F5: variants seen among roughly 807,000 people sequenced by gnomAD.
F5 encodes coagulation factor V, also known as activated protein c cofactor.
F5 carries 138 observed loss-of-function variants against 216.4 expected under a neutral mutation model. That is an observed-to-expected ratio of 0.64 (90% CI 0.56 to 0.73). F5 has a LOEUF of 0.73. Ranked by LOEUF, F5 falls within the 30% of genes least tolerant of loss-of-function variation. F5 has a pLI of 0.00. For missense variants in F5, 2,403 were observed against 2,674.0 expected, an observed-to-expected ratio of 0.90 and a Z score of 2.24; for synonymous variants, 916 against 930.7, an observed-to-expected ratio of 0.98 and a Z score of 0.29.
At position 169,544,493 on chromosome 1, in the gene F5, A is replaced by T; in HGVS notation, c.1778T>A (p.Val593Glu). The part of the protein sequence containing the change: ...SNIMSTINGY[V>E]PESITTLGFC... Reference sequence around the variant, plus strand: ...TCCAAGAGTAGTTATGCTCTCAGGCACATAGCCATTGATAGCTGAAAGTGT... The same window carrying T: ...TCCAAGAGTAGTTATGCTCTCAGGCTCATAGCCATTGATAGCTGAAAGTGT... Residue 593 changes from valine to glutamate, a missense_variant, in exon 12 of 25, where the codon GTG becomes GAG. Physicochemically the swap from Val to Glu is moderately radical, Grantham distance 121 (BLOSUM62 -2). Coordinates refer to ENST00000367797, the MANE Select transcript of F5 (RefSeq NM_000130.5). 6.2e-7 allele frequency: 1 copy of T among 1,613,986 alleles called. No homozygotes were observed. The highest frequency in any genetic ancestry group is 8.5e-7 in the Non-Finnish European group (1 of 1,179,940).
chr1:169,531,036 T>A lies in F5; in HGVS notation c.4972-14A>T, dbSNP rs763080313. ...TTTAAAACGAACCTAGGAAAAGGAA[T>A]GATCCACAAATGTACTTAAGCTTAA... is the stretch of plus-strand genomic sequence containing the variant. On this transcript the variant is annotated splice_polypyrimidine_tract_variant and intron_variant, in intron 14 of 24. Coordinates refer to ENST00000367797, the MANE Select transcript of F5 (RefSeq NM_000130.5). 1 of 1,590,114 alleles carries A rather than the reference T, an allele frequency of 6.3e-7. No homozygotes were observed. The highest frequency in any genetic ancestry group is 8.6e-7 in the Non-Finnish European group (1 of 1,161,970).
In F5 at chr1:169,559,342, C is replaced by T. The variant is rs6012; in HGVS notation, c.587-46G>A. On this transcript the variant is annotated intron_variant, in intron 4 of 24. Coordinates refer to ENST00000367797, the MANE Select transcript of F5 (RefSeq NM_000130.5). ...TTTCAGTAGCACTGCAGATAGAAGA[C>T]GCTCATTAGCTTTCCTGGATAGCAA... 341,862 of 1,602,720 alleles carry T rather than the reference C, an allele frequency of 0.21. 47,752 individuals carry two copies. The highest frequency in any genetic ancestry group is 0.61 in the East Asian group (27,135 of 44,768).
At chr1:169,517,514 A>G (rs915541226) in intron 23 of F5, among the ~76,000 whole-genome samples, 1 of 152,064 alleles carries the variant, frequency 6.6e-6, no homozygotes, top group African/African-American at 2.4e-5. Flanking sequence ...AGGGAGGGAG[A>G]TATGAGGATA....
chr1:169,513,195 C>T lies in F5; in HGVS notation c.*1118G>A, dbSNP rs9332675. On this transcript the variant is annotated 3_prime_UTR_variant, in exon 25 of 25. Transcript: ENST00000367797. ...TATACATAACATTTTGATATATGTA[C>T]ACGTTACAGGATGATTAAATCAAGC... is the stretch of plus-strand genomic sequence containing the variant. 0.019 allele frequency among the ~76,000 whole-genome samples: 2,913 copies of T among 152,054 alleles called. 95 individuals carry two copies. The highest frequency in any genetic ancestry group is 0.066 in the African/African-American group (2,735 of 41,480).
At chr1:169,571,036 T>C (rs2101839254) in intron 3 of F5, among the ~76,000 whole-genome samples, 1 of 136,190 alleles carries the variant, frequency 7.3e-6, no homozygotes, top group Non-Finnish European at 1.6e-5. Flanking sequence ...GGCTGGAACA[T>C]GTAGAAGGAA....
rs914508610 is a variant in F5 at position 169,524,760 on chromosome 1, G to C, written c.5788+77C>G. The C allele has an allele frequency of 2.5e-6, 3 of 1,182,328 alleles. No homozygotes were observed. The African/African-American group carries it at 4.5e-5, about 18-fold the overall frequency. 73.2% of individuals were successfully genotyped at this position (1,182,328 alleles called of 1,614,324 possible). Reference sequence around the variant, plus strand: ...GAAAAACTGATTCATAGATAGGATTGTCATGTATGGTTTCATAGGCTGCAT... The same window carrying C: ...GAAAAACTGATTCATAGATAGGATTCTCATGTATGGTTTCATAGGCTGCAT... On this transcript the variant is annotated intron_variant, in intron 19 of 24. Transcript: ENST00000367797.
chr1:169,560,427 C>T, intron 4 of F5, 127 bp downstream of exon 4: 1 of 831,254 alleles, frequency 1.2e-6, no homozygotes, highest in African/African-American at 1.7e-5. Context: ...ATGATCTGGT[C>T]TCCGTGCCGT....
At chr1:169,551,483 C>A (rs527650186) in intron 8 of F5, among the ~76,000 whole-genome samples, 9 of 152,178 alleles carry the variant, frequency 5.9e-5, no homozygotes, top group African/African-American at 1.9e-4. Flanking sequence ...GAGGCACAGA[C>A]AAATAGCCAG....
rs983183306 is a variant in F5 at position 169,549,748 on chromosome 1, T to C, written c.1611+53A>G. 3 of 1,390,656 alleles carry C rather than the reference T, an allele frequency of 2.2e-6. No individual in the cohort carries two copies. In the East Asian group the frequency reaches 7.0e-5, roughly 32 times the overall value. The allele number at this position is 1,390,656 out of a possible 1,614,324, so 86.1% of individuals were successfully genotyped here. A position where few individuals can be genotyped will look rare whatever the true frequency, so the allele number is the denominator to read the frequency against. ...TTTAGCCAGGAGACCTAACATGTTC[T>C]AGCCAGAAGAAATTCTCAGAATTTC... On this transcript the variant is annotated intron_variant, in intron 10 of 24. Transcript: ENST00000367797.
Position 169,543,127 on chromosome 1 carries a change from G to C in F5, c.1976-13C>G, listed in dbSNP as rs755145120. 2 of 1,610,678 alleles carry C rather than the reference G, an allele frequency of 1.2e-6. No homozygotes were observed. The highest frequency in any genetic ancestry group is 2.7e-5 in the African/African-American group (2 of 74,848). On this transcript the variant is annotated splice_polypyrimidine_tract_variant and intron_variant, in intron 12 of 24. Coordinates refer to ENST00000367797, the MANE Select transcript of F5 (RefSeq NM_000130.5). The stretch of plus-strand genomic sequence containing the variant: ...AACATCCAAGTTCCTACAGAAGAGA[G>C]ACAGACAGAAGAGAGATCTGGAAGT...
Position 169,549,919 on chromosome 1 carries a change from G to C in F5, c.1493C>G (p.Ala498Gly), listed in dbSNP as rs1364210188. 1 of 1,614,048 alleles carries C rather than the reference G, an allele frequency of 6.2e-7. No homozygotes were observed. The highest frequency in any genetic ancestry group is 1.7e-5 in the Admixed American group (1 of 60,026). The change falls in exon 10 of 25, where the codon GCC (alanine) becomes GGC (glycine). Residue 498 changes from alanine to glycine, a missense_variant. Around this residue, in one of 4 missense-constraint regions of F5, gnomAD observed 1,425 missense variants for 1,554.8 expected, o/e 0.92. Transcript: ENST00000367797. ...GTAGTATGGTCTTGTTAAGCACTGG[G>C]CATCATTTTCTGTGGGTTCATCAAA... is the stretch of plus-strand genomic sequence containing the variant. Reference protein sequence around the residue: ...LEFDEPTENDAQCLTRPYYSD... With the variant: ...LEFDEPTENDGQCLTRPYYSD...
At chr1:169,552,863 G>T (rs1301826397) in intron 7 of F5, 129 bp from the exon 8 acceptor site, 1 of 713,372 alleles carries the variant, frequency 1.4e-6, no homozygotes, top group Non-Finnish European at 2.3e-6. Flanking sequence ...AAATTTCTTA[G>T]TGTAGTTTGC....
intron 2 of F5, among the ~76,000 whole-genome samples, chr1:169,577,854 T>G (rs1660898858): frequency 1.3e-5 from 2 of 151,724 alleles, no homozygotes; most frequent in African/African-American, 2.4e-5. Flanking sequence ...ATACCTCCAA[T>G]CCTACAGCCC....
chr1:169,555,400 G>T, intron 6 of F5, 53 bp from the exon 7 acceptor site: 1 of 1,552,252 alleles, frequency 6.4e-7, no homozygotes, highest in East Asian at 2.3e-5. Context: ...AATTATGGTT[G>T]ATTGAAATGC....
chr1:169,550,295 C>CCG (rs1660135784), intron 9 of F5, among the ~76,000 whole-genome samples: 1 of 136,096 alleles, frequency 7.3e-6, no homozygotes, highest in Middle Eastern at 3.6e-3. Flanking sequence ...CCCACCCCCC[C>CCG]CCCCCGACAG....
Position 169,555,129 on chromosome 1 carries a change from C to A in F5, c.1118+53G>T, listed in dbSNP as rs535791842. ...CATTTCACCCCAAACATCTAGGACC[C>A]TATGGAATGTGTCTTGAACCTTTGC... On this transcript the variant is annotated intron_variant, in intron 7 of 24. Coordinates refer to ENST00000367797, the MANE Select transcript of F5 (RefSeq NM_000130.5). The A allele has an allele frequency of 2.5e-6, 4 of 1,601,032 alleles. No homozygotes were observed. In the East Asian group the frequency reaches 8.9e-5, roughly 36 times the overall value.
chr1:169,530,635 T>C lies in F5; in HGVS notation c.5208+151A>G, dbSNP rs1358892947. On this transcript the variant is annotated intron_variant, in intron 15 of 24. Transcript: ENST00000367797. The stretch of plus-strand genomic sequence containing the variant: ...GAGCTGCATGGAGAGTCCCTGGTTA[T>C]GATAAATGCAGACTGTTAACCACAC... The C allele has an allele frequency of 6.8e-6, 5 of 731,332 alleles. No homozygotes were observed. In the East Asian group the frequency reaches 1.0e-4, roughly 15 times the overall value. The allele number at this position is 731,332 out of a possible 1,614,324, so 45.3% of individuals were successfully genotyped here.
intron 22 of F5, among the ~76,000 whole-genome samples, chr1:169,519,357 A>C: frequency 6.6e-6 from 1 of 152,232 alleles, no homozygotes; most frequent in African/African-American, 2.4e-5. Flanking sequence ...GTTTTAAATA[A>C]GTTAGCAGAA....
At chr1:169,525,839 G>T in intron 18 of F5, 62 bp downstream of exon 18, 3 of 1,103,100 alleles carry the variant, frequency 2.7e-6, no homozygotes, top group South Asian at 1.2e-5. Context: ...TCTAAAAGTT[G>T]GTAATATTCT....
Sources: allele counts gnomAD v4.1 joint callset (sites outside exome capture counted in the v4.1 genomes callset), GRCh38; gene constraint gnomAD v4.1.1; regional missense constraint gnomAD v4.1.1; transcripts MANE v1.5; gene names NCBI Gene and HGNC (gene_info 2026-07-23, HGNC 2026-07-21).